Variants in APEX2 observed in about 807,000 individuals in gnomAD.
The protein encoded by APEX2 is apurinic/apyrimidinic endodeoxyribonuclease 2.
In APEX2, 4 loss-of-function variants were observed where a neutral mutation model predicts 16.7. That is an observed-to-expected ratio of 0.24 (90% CI 0.12 to 0.55). The LOEUF (loss-of-function observed/expected upper bound fraction) is 0.55, where lower values mean the gene tolerates loss of function less well. Among genes scored for constraint, APEX2 ranks in the 20% least tolerant of loss-of-function variants. APEX2 has a pLI of 0.94. For missense variants in APEX2, 357 were observed against 433.6 expected (o/e 0.82, Z 1.57); for synonymous variants, 181 against 166.9 (o/e 1.08, Z -0.65).
At position 55,006,768 on chromosome X, in the gene APEX2, C is replaced by G. The variant is rs1213363044; in HGVS notation, c.890C>G (p.Pro297Arg). 1 of 1,208,396 alleles carries G rather than the reference C, an allele frequency of 8.3e-7. No individual in the cohort carries two copies. The highest frequency in any genetic ancestry group is 1.7e-5 in the African/African-American group (1 of 57,202). The change falls in exon 6 of 6, where the codon CCT (proline) becomes CGT (arginine). Residue 297 changes from proline (P) to arginine (R), a missense_variant. Physicochemically the swap from Pro to Arg is moderately radical, Grantham distance 103. Coordinates refer to ENST00000374987, the MANE Select transcript of APEX2 (RefSeq NM_014481.4). ...ACCTTTCAGGCCTCTTTCCTGCTGC[C>G]TGAGGTGATGGGCTCTGACCACTGC... ...IDTFQASFLL[P>R]EVMGSDHCPV...
At chrX:55,000,704 C>T (rs1935427621) in intron 1 of APEX2, 125 bp downstream of exon 1, 1 of 805,906 alleles carries the variant, frequency 1.2e-6, no homozygotes, top group South Asian at 3.3e-5. Context: ...GACCCAGGTC[C>T]CTTCCCTCTT....
Position 55,006,730 on chromosome X carries a change from C to G in APEX2, c.852C>G (p.Thr284=), listed in dbSNP as rs772439550. Residue 284 remains threonine, a synonymous_variant, in exon 6 of 6, where the codon ACC becomes ACG. Transcript: ENST00000374987. ...SRLDYVLGDR[T]LVIDTFQASF... ...TTGACTATGTGCTGGGGGACAGGACCCTGGTCATAGACACCTTTCAGGCCT... is the reference window on the plus strand; with the variant it reads ...TTGACTATGTGCTGGGGGACAGGACGCTGGTCATAGACACCTTTCAGGCCT... The G allele has an allele frequency of 4.2e-6, 5 of 1,193,311 alleles. No homozygotes were observed. In the Admixed American group the frequency reaches 6.7e-5, roughly 16 times the overall value.
Position 55,008,135 on chromosome X carries a change from A to G in APEX2, c.*700A>G, listed in dbSNP as rs910132034. On this transcript the variant is annotated 3_prime_UTR_variant, in exon 6 of 6. Coordinates refer to ENST00000374987, the MANE Select transcript of APEX2 (RefSeq NM_014481.4). Reference sequence around the variant, plus strand: ...CAGGGCCTGGGACCACACAAGTTTCAGGGACGATTGCCTCCTTAGCAAGTA... The same window carrying G: ...CAGGGCCTGGGACCACACAAGTTTCGGGGACGATTGCCTCCTTAGCAAGTA... 8.9e-6 allele frequency: 1 copy of G among 112,850 alleles called. No individual in the cohort carries two copies. Among genetic ancestry groups the G allele is most frequent in the Admixed American group, 9.3e-5 (1 of 10,765 alleles). The allele number at this position is 112,850 out of a possible 1,213,427, so 9.3% of individuals were successfully genotyped here. A position where few individuals can be genotyped will look rare whatever the true frequency, so the allele number is the denominator to read the frequency against.
In APEX2 at chrX:55,006,577, G is replaced by T. The variant is rs961043595; in HGVS notation, c.699G>T (p.Gly233=). 8.8e-7 allele frequency: 1 copy of T among 1,136,957 alleles called. No individual in the cohort carries two copies. Among genetic ancestry groups the T allele is most frequent in the Non-Finnish European group, 1.2e-6 (1 of 859,220 alleles). The allele number at this position is 1,136,957 out of a possible 1,213,427, so 93.7% of individuals were successfully genotyped here. A position where few individuals can be genotyped will look rare whatever the true frequency, so the allele number is the denominator to read the frequency against. ...KWMDSLLSNL[G]CQSASHVGPF... is the part of the protein sequence containing the mutation. ...TGGACAGCTTGCTCAGTAACTTGGG[G>T]TGCCAGTCTGCCTCTCATGTAGGGC... Residue 233 remains glycine (G), a synonymous_variant, in exon 6 of 6, where the codon GGG becomes GGT. Transcript: ENST00000374987.
chrX:55,007,508 G>T lies in APEX2; in HGVS notation c.*73G>T. 9.8e-7 allele frequency: 1 copy of T among 1,019,980 alleles called. No individual in the cohort carries two copies. Among genetic ancestry groups the T allele is most frequent in the Non-Finnish European group, 1.3e-6 (1 of 773,167 alleles). The allele number at this position is 1,019,980 out of a possible 1,213,427, so 84.1% of individuals were successfully genotyped here. ...TCTGAGGCCAGCTCCCCTTCCCTGA[G>T]CTGCCTCCTGCTTCTCCCTCAAAGT... is the stretch of plus-strand genomic sequence containing the variant. On this transcript the variant is annotated 3_prime_UTR_variant, in exon 6 of 6. Transcript: ENST00000374987.
At chrX:55,004,001 T>G (rs1038038609) in intron 5 of APEX2, 133 bp downstream of exon 5, 2 of 559,568 alleles carry the variant, frequency 3.6e-6, no homozygotes, top group East Asian at 7.2e-5. Context: ...ACTATTCTTA[T>G]AGTACTGAGG....
At chrX:55,000,690 CT>C in intron 1 of APEX2, 111 bp downstream of exon 1, 1 of 910,460 alleles carries the variant, frequency 1.1e-6, no homozygotes, top group Non-Finnish European at 1.5e-6. Flanking sequence ...GAGTCCTGTC[CT>C]TAGACCCAGG....
chrX:55,006,785 G>C lies in APEX2; in HGVS notation c.907G>C (p.Asp303His). 8.3e-7 allele frequency: 1 copy of C among 1,211,463 alleles called. No individual in the cohort carries two copies. Residue 303 changes from aspartate (D) to histidine (H), a missense_variant, in exon 6 of 6, where the codon GAC (aspartate) becomes CAC (histidine). By Grantham distance (81) the Asp-to-His change is moderately conservative (BLOSUM62 -1). Coordinates refer to ENST00000374987, the MANE Select transcript of APEX2 (RefSeq NM_014481.4). ...CCTGCTGCCTGAGGTGATGGGCTCTGACCACTGCCCTGTGGGTGCAGTCTT... is the reference window on the plus strand; with the variant it reads ...CCTGCTGCCTGAGGTGATGGGCTCTCACCACTGCCCTGTGGGTGCAGTCTT... ...SFLLPEVMGS[D>H]HCPVGAVLSV...
Position 55,009,003 on chromosome X carries a change from T to A in APEX2, c.*1568T>A. ...TTACCTCATAGATCTGCCACTTGTC[T>A]GAGGGAGTCAGAATGCACTTGTCTG... On this transcript the variant is annotated 3_prime_UTR_variant, in exon 6 of 6. Transcript: ENST00000374987. 2 of 560,099 alleles carry A rather than the reference T, an allele frequency of 3.6e-6. No homozygotes were observed. The highest frequency in any genetic ancestry group is 5.7e-6 in the Non-Finnish European group (2 of 349,411). 46.2% of individuals were successfully genotyped at this position (560,099 alleles called of 1,213,427 possible).
rs892345279 is a variant in APEX2 at position 55,007,204 on chromosome X, T to C, written c.1326T>C (p.Thr442=). Residue 442 remains threonine (T), a synonymous_variant, in exon 6 of 6, where the codon ACT becomes ACC. Transcript: ENST00000374987. ...AAGTGGTGAAGGGGCAGGCCAAGAC[T>C]TCAGAAGCCAAAGATGAGAAGGAGT... ...VAKVVKGQAK[T]SEAKDEKELR... is the part of the protein sequence containing the mutation. 10 of 1,211,916 alleles carry C rather than the reference T, an allele frequency of 8.3e-6. No homozygotes were observed. The East Asian group carries it at 1.8e-4, about 21-fold the overall frequency.
chrX:55,000,736 G>A (rs1935428368), intron 1 of APEX2, among the ~76,000 whole-genome samples, 157 bp downstream of exon 1: 1 of 110,358 alleles, frequency 9.1e-6, no homozygotes, highest in African/African-American at 3.3e-5. Flanking sequence ...TCCCACCCTA[G>A]CTAGATCCCC....
intron 1 of APEX2, 30 bp from the exon 2 acceptor site, chrX:55,001,516 C>T: frequency 8.8e-7 from 1 of 1,137,013 alleles, no homozygotes; most frequent in South Asian, 2.0e-5. Context: ...AGTTTTACCT[C>T]TGACTTAATC....
chrX:55,002,514 A>G (rs1472966771), intron 3 of APEX2, 83 bp downstream of exon 3: 4 of 1,040,381 alleles, frequency 3.8e-6, no homozygotes, highest in Non-Finnish European at 5.1e-6. Context: ...CCATGTAAAC[A>G]TACATGCACC....
chrX:55,002,571 G>A (rs748574114), intron 3 of APEX2, 140 bp downstream of exon 3: 28 of 746,516 alleles, frequency 3.8e-5, no homozygotes, highest in Non-Finnish European at 4.8e-5. Context: ...TCCTGGCTGG[G>A]CTACTCAGTG....
In APEX2 at chrX:55,003,887, G is replaced by A. The variant is rs148431874; in HGVS notation, c.639+19G>A. 13,336 of 1,201,122 alleles carry A rather than the reference G, an allele frequency of 0.011. 65 individuals carry two copies. Among genetic ancestry groups the A allele is most frequent in the Non-Finnish European group, 0.013 (11,887 of 887,054 alleles). On this transcript the variant is annotated intron_variant, in intron 5 of 5. Coordinates refer to ENST00000374987, the MANE Select transcript of APEX2 (RefSeq NM_014481.4). ...CAACCTGGTAAGGCTCCCTCTAGGT[G>A]CCTGGCCCCACTCCTGACTGATTCT...
Position 55,007,916 on chromosome X carries a change from G to A in APEX2, c.*481G>A, listed in dbSNP as rs2146710343. 8.7e-6 allele frequency: 1 copy of A among 115,322 alleles called. No homozygotes were observed. The allele number at this position is 115,322 out of a possible 1,213,427, so 9.5% of individuals were successfully genotyped here. On this transcript the variant is annotated 3_prime_UTR_variant, in exon 6 of 6. Transcript: ENST00000374987. ...GGGAGGGGGGAGGAGGGAATAGTGA[G>A]GCGTGAGCAGCAGTGCTCACCATAA... is the stretch of plus-strand genomic sequence containing the variant.
chrX:55,006,258 A>C (rs781241533), intron 5 of APEX2, among the ~76,000 whole-genome samples: 44 of 110,961 alleles, frequency 4.0e-4, no homozygotes, highest in African/African-American at 1.3e-3. Flanking sequence ...GCAAACTTTC[A>C]GATTTGCCAT....
At position 55,007,587 on chromosome X, in the gene APEX2, C is replaced by T. The variant is rs1935524732; in HGVS notation, c.*152C>T. ...CCTCTCTTCCTCGCTTTCCTTCCTA[C>T]CTAGCTCCTTGTTGGTGAGCTTCTT... On this transcript the variant is annotated 3_prime_UTR_variant, in exon 6 of 6. Transcript: ENST00000374987. The T allele has an allele frequency of 3.2e-6, 2 of 634,717 alleles. No homozygotes were observed. Among genetic ancestry groups the T allele is most frequent in the South Asian group, 8.8e-5 (2 of 22,660 alleles). 52.3% of individuals were successfully genotyped at this position (634,717 alleles called of 1,213,427 possible).
intron 5 of APEX2, among the ~76,000 whole-genome samples, chrX:55,004,273 G>A (rs1412768709): frequency 1.8e-5 from 2 of 112,880 alleles, no homozygotes; most frequent in East Asian, 5.6e-4. Context: ...GAAAATGGCT[G>A]AATCTTAACA....
Sources: gnomAD v4.1 joint callset for allele counts (sites outside exome capture counted in the v4.1 genomes callset) on GRCh38, gnomAD v4.1.1 for gene constraint, MANE v1.5 for transcripts, NCBI Gene and HGNC (gene_info 2026-07-23, HGNC 2026-07-21) for gene names.